The following SUZ12 variants were observed in gnomAD, a reference collection of about 807,000 sequenced individuals.
The protein encoded by SUZ12 is SUZ12 polycomb repressive complex 2 subunit, also known as polycomb protein SUZ12.
In SUZ12, 17 loss-of-function variants were observed where a neutral mutation model predicts 87.3. The observed-to-expected ratio is 0.19, with a 90% CI of 0.13 to 0.29. The LOEUF (loss-of-function observed/expected upper bound fraction) is 0.29. SUZ12 is among the 10% of genes least tolerant of loss of function. The pLI is 1.00. For synonymous variants in SUZ12, 253 were observed against 312.4 expected, an observed-to-expected ratio of 0.81 and a Z score of 2.01; for missense variants, 526 against 912.2, an observed-to-expected ratio of 0.58 and a Z score of 5.45.
chr17:31,970,112 G>A (rs1908327764), intron 5 of SUZ12, among the ~76,000 whole-genome samples: 1 of 152,066 alleles, frequency 6.6e-6, no homozygotes, highest in African/African-American at 2.4e-5. Flanking sequence ...CTTTTGTTTG[G>A]CAATTACTAC....
chr17:31,971,175 C>G (rs1001603255), intron 5 of SUZ12, among the ~76,000 whole-genome samples: 10 of 152,112 alleles, frequency 6.6e-5, no homozygotes, highest in Non-Finnish European at 1.5e-4. Context: ...CTAAAAATAG[C>G]TCTGATAGCT....
intron 5 of SUZ12, among the ~76,000 whole-genome samples, chr17:31,971,458 G>A (rs1291519927): frequency 4.9e-5 from 6 of 123,146 alleles, no homozygotes; most frequent in Admixed American, 2.0e-4. Context: ...ATGGAGTTTC[G>A]CTCTTGTTGC....
At chr17:31,993,201 A>G (rs766415436) in intron 10 of SUZ12, 41 bp from the exon 11 acceptor site, 1 of 1,383,904 alleles carries the variant, frequency 7.2e-7, no homozygotes, top group South Asian at 1.3e-5. Context: ...TTGCTTTTCA[A>G]AAGCAATGTT....
chr17:31,995,522 A>ACATGTAGAGGCCATAAATC (rs1307774905), intron 13 of SUZ12, 42 bp from the exon 14 acceptor site: 2 of 1,523,576 alleles, frequency 1.3e-6, no homozygotes, highest in Middle Eastern at 1.7e-4. Context: ...TAGATGGTAT[A>ACATGTAGAGGCCATAAATC]CATGTAGAGG....
rs1374515572 is a variant in SUZ12, at chr17:31,998,739, A to G, written c.1956A>G (p.Leu652=). Residue 652 remains leucine (L), a synonymous_variant, in exon 16 of 16, where the codon TTA becomes TTG. Transcript: ENST00000322652. ...GACAGAAAATAATTAAGAAGAATTTATGTCGAAACTTCATGCTTCATCTAG... is the reference window on the plus strand; with the variant it reads ...GACAGAAAATAATTAAGAAGAATTTGTGTCGAAACTTCATGCTTCATCTAG... ...NYGQKIIKKN[L]CRNFMLHLVS... is the part of the protein sequence containing the mutation. The G allele has an allele frequency of 1.8e-5, 29 of 1,607,212 alleles. No homozygotes were observed. Among genetic ancestry groups the G allele is most frequent in the Non-Finnish European group, 2.4e-5 (28 of 1,176,664 alleles).
chr17:31,975,428 A>G (rs1173764681), intron 6 of SUZ12, 54 bp from the exon 7 acceptor site: 56 of 1,247,256 alleles, frequency 4.5e-5, no homozygotes, highest in Non-Finnish European at 6.1e-5. Context: ...TTTTATTATA[A>G]TTCTTATTGC....
chr17:31,956,005 C>T (rs545326706), intron 4 of SUZ12, among the ~76,000 whole-genome samples: 12 of 151,742 alleles, frequency 7.9e-5, no homozygotes, highest in African/African-American at 2.2e-4. Context: ...TCTGCCTTCC[C>T]GGGTTCACGC....
rs371207788 is a variant in SUZ12, at chr17:31,998,711, A to G, written c.1928A>G (p.Tyr643Cys). 4 of 1,598,258 alleles carry G rather than the reference A, an allele frequency of 2.5e-6. No homozygotes were observed. Among genetic ancestry groups the G allele is most frequent in the Non-Finnish European group, 3.4e-6 (4 of 1,172,848 alleles). Residue 643 changes from tyrosine to cysteine, a missense_variant, in exon 16 of 16, where the codon TAT becomes TGT. Transcript: ENST00000322652. ...NHACMLFVEN[Y>C]GQKIIKKNLC... is the part of the protein sequence containing the mutation. ...GCCTGTATGCTGTTTGTAGAAAATT[A>G]TGGACAGAAAATAATTAAGAAGAAT...
At chr17:31,950,466 T>C (rs1456943231) in intron 4 of SUZ12, among the ~76,000 whole-genome samples, 2 of 152,036 alleles carry the variant, frequency 1.3e-5, no homozygotes, top group African/African-American at 2.4e-5. Context: ...GGTGGATCAC[T>C]TGAGGCTAGG....
intron 4 of SUZ12, among the ~76,000 whole-genome samples, chr17:31,964,992 A>C (rs1908004890): frequency 6.6e-6 from 1 of 151,396 alleles, no homozygotes; most frequent in South Asian, 2.1e-4. Context: ...CAAAAAAAAG[A>C]AAAAGAGGAG....
intron 5 of SUZ12, among the ~76,000 whole-genome samples, chr17:31,971,267 A>C (rs1014893599): frequency 2.6e-5 from 4 of 152,062 alleles, no homozygotes; most frequent in African/African-American, 7.2e-5. Flanking sequence ...TCAGATCAAG[A>C]ACTTTTTAGT....
At chr17:31,979,210 A>G (rs1908952856) in intron 8 of SUZ12, among the ~76,000 whole-genome samples, 1 of 152,036 alleles carries the variant, frequency 6.6e-6, no homozygotes, top group East Asian at 1.9e-4. Flanking sequence ...TCTGTTGTTA[A>G]CATTTTGCCA....
At chr17:31,994,330 T>C (rs779984425) in intron 12 of SUZ12, 171 of 460,478 alleles carry the variant, frequency 3.7e-4, no homozygotes, top group Non-Finnish European at 5.5e-4. Context: ...AATTTTCTTA[T>C]TCTTGCTCAA....
intron 10 of SUZ12, among the ~76,000 whole-genome samples, chr17:31,988,801 T>C (rs1041110476): frequency 1.3e-5 from 2 of 151,846 alleles, no homozygotes; most frequent in African/African-American, 4.8e-5. Flanking sequence ...CCGAGCGCAG[T>C]GGCTCAACAC....
At chr17:31,955,663 G>A (rs370939289) in intron 4 of SUZ12, among the ~76,000 whole-genome samples, 2 of 151,958 alleles carry the variant, frequency 1.3e-5, no homozygotes, top group East Asian at 3.9e-4. Flanking sequence ...CAGGAGAATC[G>A]CTTAAACCTG....
rs1428214939 is a variant in SUZ12 at position 32,000,952 on chromosome 17, T to G, written c.*1949T>G. 4.6e-6 allele frequency: 1 copy of G among 219,544 alleles called. No individual in the cohort carries two copies. 13.6% of individuals were successfully genotyped at this position (219,544 alleles called of 1,614,324 possible). On this transcript the variant is annotated 3_prime_UTR_variant, in exon 16 of 16. Coordinates refer to ENST00000322652, the MANE Select transcript of SUZ12 (RefSeq NM_015355.4). ...ATGGTACAGTAGATGTAAAAAAAAT[T>G]CAGTTTAAAAGAACATTTGTTTTTA...
chr17:31,961,878 T>A (rs1392606785), intron 4 of SUZ12, among the ~76,000 whole-genome samples: 1 of 152,206 alleles, frequency 6.6e-6, no homozygotes, highest in African/African-American at 2.4e-5. Flanking sequence ...TACTGCAGTG[T>A]AATGGGCCAT....
At chr17:31,956,256 C>G (rs550702126) in intron 4 of SUZ12, among the ~76,000 whole-genome samples, 1 of 152,134 alleles carries the variant, frequency 6.6e-6, no homozygotes, top group Admixed American at 6.5e-5. Flanking sequence ...CTGTCGCCAG[C>G]AGTCTCGACT....
intron 9 of SUZ12, among the ~76,000 whole-genome samples, chr17:31,986,126 G>C (rs1400110098): frequency 2.0e-5 from 3 of 151,976 alleles, no homozygotes; most frequent in African/African-American, 4.8e-5. Flanking sequence ...GCGCCACCAG[G>C]CCTGGGGGTT....
Sources: gnomAD v4.1 joint callset for allele counts (sites outside exome capture counted in the v4.1 genomes callset) on GRCh38, gnomAD v4.1.1 for gene constraint, MANE v1.5 for transcripts, NCBI Gene and HGNC (gene_info 2026-07-23, HGNC 2026-07-21) for gene names.